The following OSBPL3 variants were observed in gnomAD, a reference collection of about 807,000 sequenced individuals.
OSBPL3 encodes oxysterol binding protein like 3, also known as oxysterol-binding protein-related protein 3.
A neutral mutation model predicts 120.1 loss-of-function variants in OSBPL3; 65 were observed. The ratio of observed to expected loss-of-function variants is 0.54; its 90% confidence interval spans 0.44 to 0.67. OSBPL3 has a LOEUF of 0.67. Ranked by LOEUF, OSBPL3 falls within the 30% of genes least tolerant of loss-of-function variation. OSBPL3 has a pLI of 0.00. For synonymous variants in OSBPL3, 416 were observed against 402.6 expected (o/e 1.03, Z -0.40); for missense variants, 1,004 against 1,082.1 (o/e 0.93, Z 1.01).
Position 24,863,158 on chromosome 7 carries a change from G to A in OSBPL3, c.870+42C>T. The stretch of plus-strand genomic sequence containing the variant: ...TGCTGGCACACGGCATGCAGAGCAG[G>A]GCCAATGAAGAAACCAGTCTGTCAG... On this transcript the variant is annotated intron_variant, in intron 9 of 22. Coordinates refer to ENST00000313367, the MANE Select transcript of OSBPL3 (RefSeq NM_015550.4). The surrounding 1 kb of genome is among the most constrained non-coding windows in gnomAD (Gnocchi z 5.8). 1 of 1,395,918 alleles carries A rather than the reference G, an allele frequency of 7.2e-7. No individual in the cohort carries two copies. Among genetic ancestry groups the A allele is most frequent in the Non-Finnish European group, 1.0e-6 (1 of 980,662 alleles). 86.5% of individuals were successfully genotyped at this position (1,395,918 alleles called of 1,614,324 possible).
intron 1 of OSBPL3, among the ~76,000 whole-genome samples, chr7:24,941,026 A>G (rs1813042689): frequency 6.6e-6 from 1 of 152,052 alleles, no homozygotes; most frequent in Non-Finnish European, 1.5e-5. Flanking sequence ...TCACCATGTT[A>G]GCCAGGATTG....
chr7:24,938,929 G>A lies in OSBPL3; in HGVS notation c.-150+40957C>T, dbSNP rs1326907621. On this transcript the variant is annotated intron_variant, in intron 1 of 22. Transcript: ENST00000313367. This position sits in a 1 kb window ranked among gnomAD's most constrained non-coding sequence, Gnocchi z 5.8. Reference sequence around the variant, plus strand: ...ATGGGAGGCAACATTATTTGACATAGTAAATGATGTGATTAATTAAGATGC... The same window carrying A: ...ATGGGAGGCAACATTATTTGACATAATAAATGATGTGATTAATTAAGATGC... Among the ~76,000 whole-genome samples, 1 of 151,572 alleles carries A rather than the reference G, an allele frequency of 6.6e-6. No homozygotes were observed. Among genetic ancestry groups the A allele is most frequent in the Non-Finnish European group, 1.5e-5 (1 of 67,930 alleles).
chr7:24,811,741 T>C (rs905112626), intron 19 of OSBPL3, among the ~76,000 whole-genome samples: 2 of 152,236 alleles, frequency 1.3e-5, no homozygotes, highest in African/African-American at 4.8e-5. Flanking sequence ...TCCAACACCA[T>C]TTATTGAAGA....
intron 1 of OSBPL3, among the ~76,000 whole-genome samples, chr7:24,963,819 T>G (rs1816068763): frequency 6.6e-6 from 1 of 152,190 alleles, no homozygotes; most frequent in Non-Finnish European, 1.5e-5. Context: ...AACCATGTAG[T>G]GGGTGATGAA....
intron 10 of OSBPL3, among the ~76,000 whole-genome samples, 193 bp downstream of exon 10, chr7:24,861,420 C>G (rs186713914): frequency 2.6e-5 from 4 of 152,146 alleles, no homozygotes; most frequent in Non-Finnish European, 5.9e-5. Context: ...TTGTCTCCCC[C>G]ACAAGGTTAA....
At chr7:24,902,860 C>G (rs1440310156) in intron 1 of OSBPL3, among the ~76,000 whole-genome samples, 2 of 152,048 alleles carry the variant, frequency 1.3e-5, no homozygotes, top group African/African-American at 4.8e-5. Flanking sequence ...ATTGATGGCT[C>G]ACCACTGATA....
intron 1 of OSBPL3, among the ~76,000 whole-genome samples, chr7:24,978,056 G>C (rs777203858): frequency 6.6e-6 from 1 of 152,188 alleles, no homozygotes; most frequent in Non-Finnish European, 1.5e-5. Context: ...TATTCGAAGA[G>C]GTCAAGCACA....
intron 1 of OSBPL3, among the ~76,000 whole-genome samples, chr7:24,957,498 T>C (rs1240728032): frequency 1.3e-5 from 2 of 152,198 alleles, no homozygotes; most frequent in Non-Finnish European, 2.9e-5. Flanking sequence ...AGGATCCAGA[T>C]AAAATTGATA....
At position 24,913,650 on chromosome 7, in the gene OSBPL3, G is replaced by C. The variant is rs575212188; in HGVS notation, c.-149-21029C>G. ...ACACATGAACCCCTTAAAAACCCTG[G>C]AAACATTCCTTTCAGCCCAGACCTC... is the stretch of plus-strand genomic sequence containing the variant. On this transcript the variant is annotated intron_variant, in intron 1 of 22. Transcript: ENST00000313367. The surrounding 1 kb of genome is among the most constrained non-coding windows in gnomAD (Gnocchi z 5.3). Among the ~76,000 whole-genome samples the C allele has an allele frequency of 6.6e-6, 1 of 152,186 alleles. No individual in the cohort carries two copies. Among genetic ancestry groups the C allele is most frequent in the African/African-American group, 2.4e-5 (1 of 41,500 alleles).
In OSBPL3 at chr7:24,947,880, T is replaced by C. The variant is rs953810038; in HGVS notation, c.-150+32006A>G. On this transcript the variant is annotated intron_variant, in intron 1 of 22. Coordinates refer to ENST00000313367, the MANE Select transcript of OSBPL3 (RefSeq NM_015550.4). The surrounding 1 kb of genome is among the most constrained non-coding windows in gnomAD (Gnocchi z 4.4). ...AATTTGACACTGTACAGGGGAACAA[T>C]ATAATGTCCCCAAAGAGCTCTATCC... 3.9e-5 allele frequency among the ~76,000 whole-genome samples: 6 copies of C among 152,028 alleles called. No homozygotes were observed. The highest frequency in any genetic ancestry group is 1.2e-4 in the African/African-American group (5 of 41,362).
chr7:24,978,448 A>T (rs1362492883), intron 1 of OSBPL3, among the ~76,000 whole-genome samples: 1 of 152,216 alleles, frequency 6.6e-6, no homozygotes, highest in Non-Finnish European at 1.5e-5. Flanking sequence ...AAGGCAGATA[A>T]CCCAATAACC....
intron 18 of OSBPL3, 55 bp downstream of exon 18, chr7:24,816,555 C>G: frequency 7.8e-7 from 1 of 1,289,228 alleles, no homozygotes; most frequent in Non-Finnish European, 1.1e-6. Flanking sequence ...GTCCCCAAAG[C>G]AAAATCTTGG....
At chr7:24,875,076 C>A (rs551096415) in intron 2 of OSBPL3, among the ~76,000 whole-genome samples, 1 of 152,306 alleles carries the variant, frequency 6.6e-6, no homozygotes, top group East Asian at 1.9e-4. Flanking sequence ...ATGAAAACGC[C>A]GTCCCACACC....
At chr7:24,823,881 TTAGAG>T (rs746988081) in intron 16 of OSBPL3, among the ~76,000 whole-genome samples, 6 of 152,244 alleles carry the variant, frequency 3.9e-5, no homozygotes, top group Non-Finnish European at 8.8e-5. Context: ...CTAAAATCTA[TTAGAG>T]TAGAGAATAA....
In OSBPL3 at chr7:24,824,945, A is replaced by G. The variant is rs1241865437; in HGVS notation, c.1885-4707T>C. On this transcript the variant is annotated intron_variant, in intron 16 of 22. Coordinates refer to ENST00000313367, the MANE Select transcript of OSBPL3 (RefSeq NM_015550.4). This position sits in a 1 kb window ranked among gnomAD's most constrained non-coding sequence, Gnocchi z 4.9. ...CACAGCAAAGGCCAATGGCTGGAAA[A>G]TGCTTGGTATGAAGCAGAAGAAGCA... Among the ~76,000 whole-genome samples, 1 of 152,196 alleles carries G rather than the reference A, an allele frequency of 6.6e-6. No homozygotes were observed. Among genetic ancestry groups the G allele is most frequent in the African/African-American group, 2.4e-5 (1 of 41,446 alleles).
chr7:24,886,491 T>C (rs1016636022), intron 2 of OSBPL3, among the ~76,000 whole-genome samples: 6 of 152,234 alleles, frequency 3.9e-5, no homozygotes, highest in Non-Finnish European at 8.8e-5. Context: ...CTTAAGAATC[T>C]GTGGGCTTTT....
At position 24,891,958 on chromosome 7, in the gene OSBPL3, A is replaced by T. The variant is rs999941468; in HGVS notation, c.96+419T>A. Among the ~76,000 whole-genome samples the T allele has an allele frequency of 9.9e-5, 15 of 152,170 alleles. No homozygotes were observed. Among genetic ancestry groups the T allele is most frequent in the Non-Finnish European group, 1.8e-4 (12 of 68,038 alleles). ...GGATATTATAATTACCAGAAAAATG[A>T]TTGATTGTTTTTTTGTTTTGCTTAG... is the stretch of plus-strand genomic sequence containing the variant. On this transcript the variant is annotated intron_variant, in intron 2 of 22. Coordinates refer to ENST00000313367, the MANE Select transcript of OSBPL3 (RefSeq NM_015550.4). The surrounding 1 kb of genome is among the most constrained non-coding windows in gnomAD (Gnocchi z 4.1).
At chr7:24,839,856 G>C (rs912098597) in intron 14 of OSBPL3, among the ~76,000 whole-genome samples, 2 of 151,698 alleles carry the variant, frequency 1.3e-5, no homozygotes, top group African/African-American at 4.8e-5. Flanking sequence ...TGGGCATGGT[G>C]GTGCGTGCCT....
Position 24,830,994 on chromosome 7 carries a change from A to AT in OSBPL3, c.1747-90dup. The AT allele has an allele frequency of 1.5e-6, 2 of 1,292,522 alleles. No individual in the cohort carries two copies. Among genetic ancestry groups the AT allele is most frequent in the Non-Finnish European group, 2.1e-6 (2 of 972,650 alleles). The allele number at this position is 1,292,522 out of a possible 1,614,324, so 80.1% of individuals were successfully genotyped here. A position where few individuals can be genotyped will look rare whatever the true frequency, so the allele number is the denominator to read the frequency against. On this transcript the variant is annotated intron_variant, in intron 15 of 22. Coordinates refer to ENST00000313367, the MANE Select transcript of OSBPL3 (RefSeq NM_015550.4). The surrounding 1 kb of genome is among the most constrained non-coding windows in gnomAD (Gnocchi z 4.4). The stretch of plus-strand genomic sequence containing the variant: ...AACTAAACAAAATAAAACCTCTATG[A>AT]TTTTCTTTCAGAAAGCCAAAGATTT...
Sources: gnomAD v4.1 joint callset for allele counts (sites outside exome capture counted in the v4.1 genomes callset) on GRCh38, gnomAD v4.1.1 for gene constraint, Gnocchi (gnomAD v3.1) non-coding constraint, MANE v1.5 for transcripts, NCBI Gene and HGNC (gene_info 2026-07-23, HGNC 2026-07-21) for gene names.